The following DOCK3 variants were observed in gnomAD, a reference collection of about 807,000 sequenced individuals.
The protein encoded by DOCK3 is dedicator of cytokinesis 3, also known as dedicator of cytokinesis protein 3.
Under a neutral mutation model 265.6 loss-of-function variants are expected in DOCK3, and 60 were observed. The ratio of observed to expected loss-of-function variants is 0.23; its 90% CI spans 0.18 to 0.28. DOCK3 has a LOEUF of 0.28. DOCK3 is among the 10% of genes least tolerant of loss of function. The pLI is 1.00. For synonymous variants in DOCK3, 881 were observed against 938.0 expected (o/e 0.94, Z 1.11); for missense variants, 1,981 against 2,594.3 (o/e 0.76, Z 5.14).
chr3:51,223,648 T>A (rs1401708710), intron 14 of DOCK3, among the ~76,000 whole-genome samples: 5 of 152,166 alleles, frequency 3.3e-5, no homozygotes, highest in African/African-American at 1.2e-4. Context: ...AATGTGCAAT[T>A]AAAAGACTTT....
intron 27 of DOCK3, among the ~76,000 whole-genome samples, chr3:51,293,574 AT>A (rs1249491256): frequency 2.0e-5 from 3 of 152,198 alleles, no homozygotes; most frequent in Non-Finnish European, 4.4e-5. Flanking sequence ...CTTGGATATG[AT>A]CCCTAAAGCA....
chr3:51,094,895 T>A (rs1349390256), intron 9 of DOCK3, among the ~76,000 whole-genome samples: 1 of 152,064 alleles, frequency 6.6e-6, no homozygotes, highest in Admixed American at 6.5e-5. Context: ...CTCTTCTTGT[T>A]GTATTGATCC....
At chr3:51,228,909 G>A in intron 18 of DOCK3, 77 bp downstream of exon 18, 10 of 1,475,508 alleles carry the variant, frequency 6.8e-6, no homozygotes, top group South Asian at 1.4e-5. Context: ...GCATGTGAAG[G>A]GAGAGATAAA....
intron 10 of DOCK3, among the ~76,000 whole-genome samples, chr3:51,152,614 CTCCCCATCTTTGTGGTTTTA>C (rs1393820943): frequency 3.3e-5 from 5 of 152,192 alleles, no homozygotes; most frequent in Non-Finnish European, 7.3e-5. Flanking sequence ...GCTCTGGCTT[CTCCCCATCTTTGTGGTTTTA>C]TCTAACTTTG....
intron 2 of DOCK3, among the ~76,000 whole-genome samples, chr3:50,821,830 G>A (rs1482812226): frequency 6.6e-6 from 1 of 152,098 alleles, no homozygotes; most frequent in East Asian, 1.9e-4. Context: ...GAGTTTTACA[G>A]CTTTATTTCT....
intron 27 of DOCK3, 146 bp from the exon 28 acceptor site, chr3:51,310,086 C>G (rs2082976125): frequency 1.4e-6 from 1 of 693,872 alleles, no homozygotes; most frequent in South Asian, 1.7e-5. Flanking sequence ...ATGTAGCCCT[C>G]TAAGAGAGAA....
chr3:50,829,396 G>A (rs2044990007), intron 2 of DOCK3, among the ~76,000 whole-genome samples: 1 of 152,156 alleles, frequency 6.6e-6, no homozygotes, highest in African/African-American at 2.4e-5. Flanking sequence ...TTGGAATCCT[G>A]TATGCCATTT....
At chr3:51,354,054 TA>T (rs1433466776) in intron 40 of DOCK3, among the ~76,000 whole-genome samples, 2 of 152,228 alleles carry the variant, frequency 1.3e-5, no homozygotes, top group African/African-American at 4.8e-5. Context: ...AGTCTGTACT[TA>T]GCATGATGTT....
chr3:51,196,634 T>A (rs1228206647), intron 12 of DOCK3, among the ~76,000 whole-genome samples: 1 of 152,236 alleles, frequency 6.6e-6, no homozygotes, highest in Admixed American at 6.5e-5. Flanking sequence ...TTTGTATTCA[T>A]GTTCTGAGAT....
At chr3:51,300,072 G>A (rs920994570) in intron 27 of DOCK3, among the ~76,000 whole-genome samples, 15 of 152,168 alleles carry the variant, frequency 9.9e-5, no homozygotes, top group African/African-American at 3.6e-4. Context: ...ATTTGTTTGT[G>A]TCCTCTCTGA....
chr3:50,778,753 G>A lies in DOCK3; in HGVS notation c.116G>A (p.Cys39Tyr). 2 of 1,573,604 alleles carry A rather than the reference G, an allele frequency of 1.3e-6. No homozygotes were observed. The highest frequency in any genetic ancestry group is 1.7e-6 in the Non-Finnish European group (2 of 1,157,530). Residue 39 changes from cysteine (C) to tyrosine (Y), a missense_variant, in exon 2 of 53, where the codon TGT (cysteine) becomes TAT (tyrosine). Cys to Tyr is a radical substitution (Grantham distance 194, BLOSUM62 -2). Around this residue, in one of 4 missense-constraint regions of DOCK3, gnomAD observed 456 missense variants for 539.0 expected, o/e 0.85. Coordinates refer to ENST00000266037, the MANE Select transcript of DOCK3 (RefSeq NM_004947.5). ...GAAACAGTCCAGATTCTTGAAAAAT[G>A]TGAAGGTGAGTATGGACCTACAAAG... The part of the protein sequence containing the change: ...IGETVQILEK[C>Y]EGWYRGVSTK...
At chr3:50,988,777 G>T (rs1040655406) in intron 5 of DOCK3, among the ~76,000 whole-genome samples, 2 of 152,126 alleles carry the variant, frequency 1.3e-5, no homozygotes, top group Middle Eastern at 3.2e-3. Context: ...GCAGCCCTAC[G>T]GAAAAGTGGC....
chr3:51,077,938 A>G (rs2082107400), intron 7 of DOCK3, among the ~76,000 whole-genome samples: 1 of 152,212 alleles, frequency 6.6e-6, no homozygotes, highest in Admixed American at 6.5e-5. Flanking sequence ...GCACTTCCAG[A>G]CAACCAAGCA....
chr3:50,723,649 G>A (rs2037619456), intron 1 of DOCK3, among the ~76,000 whole-genome samples: 2 of 152,196 alleles, frequency 1.3e-5, no homozygotes, highest in African/African-American at 4.8e-5. Flanking sequence ...GCCATATGCA[G>A]AAAGCTGAAA....
At chr3:51,010,026 C>T (rs995648848) in intron 5 of DOCK3, among the ~76,000 whole-genome samples, 6 of 152,174 alleles carry the variant, frequency 3.9e-5, no homozygotes, top group African/African-American at 1.4e-4. Context: ...CTGAGGAGTG[C>T]TTTACTTCCA....
At chr3:51,259,250 A>G (rs1041920733) in intron 22 of DOCK3, among the ~76,000 whole-genome samples, 1 of 152,206 alleles carries the variant, frequency 6.6e-6, no homozygotes, top group Non-Finnish European at 1.5e-5. Context: ...TTTCCAAACC[A>G]TCTAACAGCT....
chr3:50,823,998 A>G (rs1219509144), intron 2 of DOCK3, among the ~76,000 whole-genome samples: 1 of 152,200 alleles, frequency 6.6e-6, no homozygotes, highest in African/African-American at 2.4e-5. Flanking sequence ...AACACAGGTT[A>G]TATGTGACAG....
chr3:51,358,138 T>C (rs1576925786), intron 46 of DOCK3, 61 bp downstream of exon 46: 1 of 1,557,588 alleles, frequency 6.4e-7, no homozygotes, highest in South Asian at 1.1e-5. Flanking sequence ...CCTCCAGACC[T>C]ACGCCACAAA....
chr3:50,874,455 A>G (rs1297020362), intron 3 of DOCK3, among the ~76,000 whole-genome samples: 2 of 151,964 alleles, frequency 1.3e-5, no homozygotes, highest in African/African-American at 4.8e-5. Flanking sequence ...GCAGTGAGCT[A>G]ATTGTTCTAC....
Sources: gnomAD v4.1 joint callset for allele counts (sites outside exome capture counted in the v4.1 genomes callset) on GRCh38, gnomAD v4.1.1 for gene constraint, gnomAD v4.1.1 regional missense constraint, MANE v1.5 for transcripts, NCBI Gene and HGNC (gene_info 2026-07-23, HGNC 2026-07-21) for gene names.